The following SRCAP variants were observed in gnomAD, a reference collection of about 807,000 sequenced individuals.
SRCAP encodes the protein chromatin remodeling protein SRCAP.
Under a neutral mutation model 263.1 loss-of-function variants are expected in SRCAP, and 46 were observed. The observed-to-expected ratio is 0.17, with a 90% CI of 0.14 to 0.22. SRCAP has a LOEUF of 0.22. Among genes scored for constraint, SRCAP ranks in the 10% least tolerant of loss-of-function variants. The pLI is 1.00. For missense variants in SRCAP, 3,695 were observed against 4,181.9 expected, an observed-to-expected ratio of 0.88 and a Z score of 3.21; for synonymous variants, 1,813 against 1,662.1, an observed-to-expected ratio of 1.09 and a Z score of -2.21.
rs912124119 is a variant in SRCAP at position 30,737,644 on chromosome 16, C to T, written c.7604C>T (p.Pro2535Leu). The change falls in exon 34 of 34, where the codon CCC becomes CTC. Residue 2535 changes from proline (P) to leucine (L), a missense_variant. Coordinates refer to ENST00000262518, the MANE Select transcript of SRCAP (RefSeq NM_006662.3). The part of the protein sequence containing the change: ...SPLLLGPPSV[P>L]ISASVTNLPL... ...CTCTTGCTTGGTCCACCTTCTGTGCCCATCTCTGCCTCAGTCACTAATCTC... is the reference window on the plus strand; with the variant it reads ...CTCTTGCTTGGTCCACCTTCTGTGCTCATCTCTGCCTCAGTCACTAATCTC... 8 of 1,613,972 alleles carry T rather than the reference C, an allele frequency of 5.0e-6. No homozygotes were observed. The highest frequency in any genetic ancestry group is 5.9e-6 in the Non-Finnish European group (7 of 1,180,044).
At chr16:30,720,575 TC>T in intron 19 of SRCAP, 137 bp from the exon 20 acceptor site, 1 of 1,141,178 alleles carries the variant, frequency 8.8e-7, no homozygotes, top group Non-Finnish European at 1.2e-6. Flanking sequence ...AAATTCCTAT[TC>T]CTTGTTCTCC....
intron 27 of SRCAP, among the ~76,000 whole-genome samples, chr16:30,731,791 A>C (rs2053116788): frequency 6.6e-6 from 1 of 152,160 alleles, no homozygotes. Flanking sequence ...GTTGAGGTGC[A>C]GTCAGCTGTG....
rs1052099631 is a variant in SRCAP, at chr16:30,722,642, C to T, written c.3786C>T (p.Ala1262=). Residue 1262 remains alanine (A), a synonymous_variant, in exon 23 of 34, where the codon GCC becomes GCT. Transcript: ENST00000262518. ...SQPAHVALIQ[A]VAPTPGPTPV... is the part of the protein sequence containing the mutation. ...CTGCCCATGTGGCCCTCATCCAGGC[C>T]GTGGCCCCGACCCCTGGCCCTACCC... 4 of 1,614,056 alleles carry T rather than the reference C, an allele frequency of 2.5e-6. No individual in the cohort carries two copies. Among genetic ancestry groups the T allele is most frequent in the African/African-American group, 1.3e-5 (1 of 74,996 alleles).
intron 25 of SRCAP, 46 bp downstream of exon 25, chr16:30,725,128 G>A (rs765234545): frequency 7.7e-6 from 12 of 1,559,628 alleles, no homozygotes; most frequent in Non-Finnish European, 8.7e-6. Flanking sequence ...GAGTTTCTTT[G>A]GAGTGTTGGT....
At chr16:30,721,075 G>A (rs1596653982) in intron 20 of SRCAP, 97 bp downstream of exon 20, 1 of 1,538,764 alleles carries the variant, frequency 6.5e-7, no homozygotes. Flanking sequence ...GAGGAGCTGG[G>A]CTGGGGACAC....
At chr16:30,701,656 T>C (rs1246749248) in intron 3 of SRCAP, among the ~76,000 whole-genome samples, 1 of 108,714 alleles carries the variant, frequency 9.2e-6, no homozygotes, top group East Asian at 2.0e-4. Flanking sequence ...TTTTTTGAAA[T>C]GGAGTGTCTT....
chr16:30,710,735 T>C lies in SRCAP; in HGVS notation c.1135-19T>C. 4 of 1,613,976 alleles carry C rather than the reference T, an allele frequency of 2.5e-6. No individual in the cohort carries two copies. The highest frequency in any genetic ancestry group is 3.4e-6 in the Non-Finnish European group (4 of 1,179,840). On this transcript the variant is annotated intron_variant, in intron 8 of 33. Coordinates refer to ENST00000262518, the MANE Select transcript of SRCAP (RefSeq NM_006662.3). ...ACTGTAACCTTAGACCCTTCCCTTT[T>C]TTATCTTTTGCCATACAGATAAAGC...
intron 3 of SRCAP, chr16:30,701,575 A>T (rs572486564): frequency 6.6e-6 from 1 of 151,548 alleles, no homozygotes; most frequent in East Asian, 1.9e-4. Flanking sequence ...CCTGGAGTGA[A>T]TTTGTGAATT....
At chr16:30,732,936 C>T (rs561505743) in intron 27 of SRCAP, among the ~76,000 whole-genome samples, 1 of 152,138 alleles carries the variant, frequency 6.6e-6, no homozygotes, top group Non-Finnish European at 1.5e-5. Flanking sequence ...GGGTTCAAGC[C>T]CGAGTTCTCA....
At chr16:30,703,435 C>A (rs2052791202) in intron 3 of SRCAP, among the ~76,000 whole-genome samples, 1 of 150,690 alleles carries the variant, frequency 6.6e-6, no homozygotes, top group African/African-American at 2.4e-5. Flanking sequence ...CTCAGGTGAT[C>A]CACCCACCTT....
chr16:30,724,666 C>T lies in SRCAP; in HGVS notation c.5242C>T (p.Leu1748=), dbSNP rs1170724173. The part of the protein sequence containing the change: ...PPLGPTQTLS[L]APAPPLAPAS... ...ACTGGGTCCAACTCAGACGCTGTCT[C>T]TGGCTCCAGCACCCCCTCTGGCTCC... is the stretch of plus-strand genomic sequence containing the variant. Residue 1748 remains leucine (L), a synonymous_variant, in exon 25 of 34, where the codon CTG becomes TTG. Coordinates refer to ENST00000262518, the MANE Select transcript of SRCAP (RefSeq NM_006662.3). The T allele has an allele frequency of 6.2e-7, 1 of 1,614,216 alleles. No homozygotes were observed. The highest frequency in any genetic ancestry group is 8.5e-7 in the Non-Finnish European group (1 of 1,180,038).
At position 30,721,265 on chromosome 16, in the gene SRCAP, A is replaced by G; in HGVS notation, c.3330A>G (p.Pro1110=). Reference sequence around the variant, plus strand: ...CAACCTTGTCCCTAAAGCCAACACCACCTGCCCCAGTTCGCCTGAGCCCAG... The same window carrying G: ...CAACCTTGTCCCTAAAGCCAACACCGCCTGCCCCAGTTCGCCTGAGCCCAG... ...PTPTLSLKPT[P]PAPVRLSPAP... The change falls in exon 21 of 34, where the codon CCA becomes CCG. Residue 1110 remains proline (P), a synonymous_variant. Transcript: ENST00000262518. 1 of 1,613,896 alleles carries G rather than the reference A, an allele frequency of 6.2e-7. No homozygotes were observed.
At chr16:30,700,921 G>T (rs2052758463) in intron 3 of SRCAP, 43 bp downstream of exon 3, 5 of 1,602,236 alleles carry the variant, frequency 3.1e-6, no homozygotes, top group African/African-American at 1.3e-5. Context: ...CTGCTTTGTG[G>T]ATTGTTGAGT....
chr16:30,708,717 A>T (rs2052854421), intron 6 of SRCAP, among the ~76,000 whole-genome samples: 1 of 152,176 alleles, frequency 6.6e-6, no homozygotes, highest in Middle Eastern at 3.2e-3. Context: ...TTGTGGAGAC[A>T]AGGTCTCGCT....
At chr16:30,712,588 G>T in intron 13 of SRCAP, 91 bp from the exon 14 acceptor site, 1 of 1,570,702 alleles carries the variant, frequency 6.4e-7, no homozygotes, top group Non-Finnish European at 8.7e-7. Context: ...GGATTCCTAG[G>T]AAGGGCCAAA....
intron 18 of SRCAP, among the ~76,000 whole-genome samples, chr16:30,717,913 ATTTT>A (rs747599108): frequency 8.3e-6 from 1 of 121,004 alleles, no homozygotes. Context: ...GGCCCTGCTG[ATTTT>A]TTTTTTTTTT....
In SRCAP at chr16:30,737,418, G is replaced by A. The variant is rs140801551; in HGVS notation, c.7378G>A (p.Val2460Ile). 150 of 1,605,008 alleles carry A rather than the reference G, an allele frequency of 9.3e-5. No homozygotes were observed. Among genetic ancestry groups the A allele is most frequent in the Non-Finnish European group, 1.2e-4 (141 of 1,175,970 alleles). The change falls in exon 34 of 34, where the codon GTC becomes ATC. Residue 2460 changes from valine (V) to isoleucine (I), a missense_variant. By Grantham distance (29) the Val-to-Ile change is conservative (BLOSUM62 3). Around this residue, in one of 12 missense-constraint regions of SRCAP, gnomAD observed 1,207 missense variants for 1,142.9 expected, o/e 1.06. Coordinates refer to ENST00000262518, the MANE Select transcript of SRCAP (RefSeq NM_006662.3). Reference sequence around the variant, plus strand: ...GGCTGCAATTCCTGCCCTTGTTCCTGTCCCAGTTTCTGCCCCAGTACCCAT... The same window carrying A: ...GGCTGCAATTCCTGCCCTTGTTCCTATCCCAGTTTCTGCCCCAGTACCCAT... The part of the protein sequence containing the change: ...APAAIPALVP[V>I]PVSAPVPISA...
At chr16:30,701,017 A>C (rs575198080) in intron 3 of SRCAP, 139 bp downstream of exon 3, 1 of 764,620 alleles carries the variant, frequency 1.3e-6, no homozygotes, top group Non-Finnish European at 2.2e-6. Context: ...GTAGTATATC[A>C]GGTCTGTTGG....
intron 25 of SRCAP, among the ~76,000 whole-genome samples, chr16:30,727,885 C>T (rs1157433358): frequency 6.6e-6 from 1 of 152,014 alleles, no homozygotes; most frequent in East Asian, 1.9e-4. Flanking sequence ...TGCGGTTTTG[C>T]CATGTTGCCC....
Sources: gnomAD v4.1 joint callset for allele counts (sites outside exome capture counted in the v4.1 genomes callset) on GRCh38, gnomAD v4.1.1 for gene constraint, gnomAD v4.1.1 regional missense constraint, MANE v1.5 for transcripts, NCBI Gene and HGNC (gene_info 2026-07-23, HGNC 2026-07-21) for gene names.